Variants in NLRP11 observed in about 807,000 individuals in gnomAD.
NLRP11 encodes NACHT, LRR and PYD domains-containing protein 11.
In NLRP11, 53 loss-of-function variants were observed where a neutral mutation model predicts 79.3. The ratio of observed to expected loss-of-function variants is 0.67; its 90% CI spans 0.54 to 0.84. NLRP11 has a LOEUF of 0.84. Ranked by LOEUF, NLRP11 falls within the 40% of genes least tolerant of loss-of-function variation. NLRP11 has a pLI of 0.00. For synonymous variants in NLRP11, 518 were observed against 462.6 expected (o/e 1.12, Z -1.54); for missense variants, 1,264 against 1,255.0 (o/e 1.01, Z -0.11).
intron 4 of NLRP11, among the ~76,000 whole-genome samples, chr19:55,805,691 C>A (rs1407531385): frequency 6.6e-6 from 1 of 151,998 alleles, no homozygotes; most frequent in Non-Finnish European, 1.5e-5. Context: ...AGTTGCATGC[C>A]GCCACACCCG....
At chr19:55,830,052 A>AT (rs1220465458) in intron 1 of NLRP11, among the ~76,000 whole-genome samples, 3 of 152,216 alleles carry the variant, frequency 2.0e-5, no homozygotes, top group Admixed American at 6.5e-5. Flanking sequence ...CAATATATTT[A>AT]TTTTTGAAAC....
chr19:55,786,020 C>T (rs1989859489), intron 9 of NLRP11, 149 bp from the exon 10 acceptor site: 1 of 753,296 alleles, frequency 1.3e-6, no homozygotes, highest in African/African-American at 1.8e-5. Context: ...CTGTTCCAGA[C>T]TGAAAACCGT....
intron 7 of NLRP11, among the ~76,000 whole-genome samples, chr19:55,791,035 G>A (rs1990204135): frequency 6.6e-6 from 1 of 152,172 alleles, no homozygotes; most frequent in African/African-American, 2.4e-5. Context: ...TGGTCTGAGA[G>A]CCAAATCTAG....
At chr19:55,817,177 T>TA (rs1981202331) in intron 2 of NLRP11, among the ~76,000 whole-genome samples, 1 of 151,988 alleles carries the variant, frequency 6.6e-6, no homozygotes, top group Non-Finnish European at 1.5e-5. Context: ...AAAAAAAATT[T>TA]AAAAAATAGA....
Position 55,797,652 on chromosome 19 carries a change from C to T in NLRP11, c.2172-1402G>A, listed in dbSNP as rs12979781. On this transcript the variant is annotated intron_variant, in intron 5 of 9. Coordinates refer to ENST00000589093, the Ensembl canonical transcript of NLRP11. The stretch of plus-strand genomic sequence containing the variant: ...ACTTCCTTATGGGGCAGGCACTGAG[C>T]GAAGACTCTCACTGAGCCATCGTAC... Among the ~76,000 whole-genome samples, 860 of 152,226 alleles carry T rather than the reference C, an allele frequency of 5.6e-3. 2 individuals carry two copies. Among genetic ancestry groups the T allele is most frequent in the Non-Finnish European group, 9.4e-3 (642 of 68,018 alleles).
At chr19:55,802,078 T>C (rs1215920797) in intron 4 of NLRP11, among the ~76,000 whole-genome samples, 1 of 152,158 alleles carries the variant, frequency 6.6e-6, no homozygotes, top group Non-Finnish European at 1.5e-5. Flanking sequence ...TTTTCTACAC[T>C]GAGAGCAAAA....
intron 1 of NLRP11, among the ~76,000 whole-genome samples, chr19:55,828,339 C>T (rs904330366): frequency 4.6e-5 from 7 of 151,258 alleles, no homozygotes; most frequent in East Asian, 2.0e-4. Context: ...GTGGGTGCAG[C>T]GCACCAGCAT....
At chr19:55,831,412 A>T (rs953837931) in intron 1 of NLRP11, among the ~76,000 whole-genome samples, 2 of 151,622 alleles carry the variant, frequency 1.3e-5, no homozygotes, top group African/African-American at 4.8e-5. Context: ...AAATACAAAA[A>T]TTAGCTACGT....
chr19:55,814,647 A>T (rs540114445), intron 2 of NLRP11, among the ~76,000 whole-genome samples: 1 of 152,358 alleles, frequency 6.6e-6, no homozygotes, highest in East Asian at 1.9e-4. Context: ...CCACCATGTC[A>T]AGGTACTTAA....
chr19:55,823,910 G>T (rs1982060886), intron 1 of NLRP11, among the ~76,000 whole-genome samples: 2 of 141,684 alleles, frequency 1.4e-5, no homozygotes, highest in Admixed American at 7.3e-5. Context: ...GAAATACAGA[G>T]AACACCACAA....
At chr19:55,798,447 G>A in intron 5 of NLRP11, 1 of 440,876 alleles carries the variant, frequency 2.3e-6, no homozygotes, top group Non-Finnish European at 3.0e-6. Context: ...CTTACAGATG[G>A]GAGCTAAATG....
rs547696337 is a variant in NLRP11, at chr19:55,799,367, G to T, written c.2171+2205C>A. Among the ~76,000 whole-genome samples, 10 of 152,282 alleles carry T rather than the reference G, an allele frequency of 6.6e-5. No individual in the cohort carries two copies. The East Asian group carries it at 1.9e-3, about 29-fold the overall frequency. On this transcript the variant is annotated intron_variant, in intron 5 of 9. Coordinates refer to ENST00000589093, the Ensembl canonical transcript of NLRP11. ...ACCTAAGAGTCTTCATCACATAGAG[G>T]CTACTTAATGCCATGAATAAGAACT...
chr19:55,814,250 C>A (rs1439309443), intron 2 of NLRP11, among the ~76,000 whole-genome samples: 1 of 152,082 alleles, frequency 6.6e-6, no homozygotes, highest in African/African-American at 2.4e-5. Context: ...CTTCCCATCA[C>A]CCCCCAATGG....
chr19:55,818,864 C>G (rs1317744190), intron 1 of NLRP11, among the ~76,000 whole-genome samples: 1 of 152,032 alleles, frequency 6.6e-6, no homozygotes, highest in Admixed American at 6.6e-5. Flanking sequence ...TTTTTTCACT[C>G]TAGGCTGAAA....
chr19:55,809,836 G>C lies in NLRP11; in HGVS notation c.774C>G (p.Leu258=), dbSNP rs140447447. 9.3e-6 allele frequency: 15 copies of C among 1,614,214 alleles called. No individual in the cohort carries two copies. In the African/African-American group the frequency reaches 1.7e-4, roughly 19 times the overall value. ...TTTTTCTCTTCAGCAAACTGACCAGGAGAACTGGAATGGGAACTTTCTGGG... is the reference window on the plus strand; with the variant it reads ...TTTTTCTCTTCAGCAAACTGACCAGCAGAACTGGAATGGGAACTTTCTGGG... Residue 258 remains leucine, a synonymous_variant, in exon 3 of 10, where the codon CTC becomes CTG. Coordinates refer to ENST00000589093, the Ensembl canonical transcript of NLRP11. The surrounding 1 kb of genome is among the most constrained non-coding windows in gnomAD (Gnocchi z 4.5).
At chr19:55,797,995 T>TTG (rs1979097527) in intron 5 of NLRP11, among the ~76,000 whole-genome samples, 1 of 144,622 alleles carries the variant, frequency 6.9e-6, no homozygotes, top group Non-Finnish European at 1.5e-5. Flanking sequence ...TCTATATTAT[T>TTG]ATTATTTTTT....
In NLRP11 at chr19:55,789,432, C is replaced by A. The variant is rs922607417; in HGVS notation, c.2514-33G>T. ...ACAGAAACATGAGCTAGAGTCATGA[C>A]CACCTGTCTCCAAAGATTTATTTCA... On this transcript the variant is annotated intron_variant, in intron 7 of 9. Coordinates refer to ENST00000589093, the Ensembl canonical transcript of NLRP11. The A allele has an allele frequency of 1.9e-6, 3 of 1,571,610 alleles. No individual in the cohort carries two copies. In the East Asian group the frequency reaches 6.7e-5, roughly 35 times the overall value.
intron 5 of NLRP11, among the ~76,000 whole-genome samples, chr19:55,799,288 T>C (rs1979243988): frequency 6.6e-6 from 1 of 152,152 alleles, no homozygotes; most frequent in African/African-American, 2.4e-5. Context: ...AAAGTTGATA[T>C]CTCTACAAAT....
At chr19:55,812,069 A>G (rs1460183654) in intron 2 of NLRP11, among the ~76,000 whole-genome samples, 1 of 152,158 alleles carries the variant, frequency 6.6e-6, no homozygotes, top group Non-Finnish European at 1.5e-5. Flanking sequence ...GAAGCATATC[A>G]AAACATCACA....
Sources: gnomAD v4.1 joint callset for allele counts (sites outside exome capture counted in the v4.1 genomes callset) on GRCh38, gnomAD v4.1.1 for gene constraint, Gnocchi (gnomAD v3.1) non-coding constraint, MANE v1.5 for transcripts, NCBI Gene and HGNC (gene_info 2026-07-23, HGNC 2026-07-21) for gene names.